The following TLE1 variants were observed in gnomAD, a reference collection of about 807,000 sequenced individuals.
TLE1 encodes TLE family member 1, transcriptional corepressor, also known as transducin-like enhancer protein 1.
TLE1 carries 21 observed loss-of-function variants against 89.8 expected under a neutral mutation model. The observed-to-expected ratio is 0.23, with a 90% CI of 0.17 to 0.34. The LOEUF (loss-of-function observed/expected upper bound fraction) is 0.34, where lower values mean the gene tolerates loss of function less well. Among genes scored for constraint, TLE1 ranks in the 10% least tolerant of loss-of-function variants. The pLI is 1.00. For missense variants in TLE1, 795 were observed against 1,031.2 expected (o/e 0.77, Z 3.14); for synonymous variants, 447 against 407.6 (o/e 1.10, Z -1.16).
At chr9:81,675,672 T>A (rs1288994853) in intron 4 of TLE1, among the ~76,000 whole-genome samples, 3 of 151,460 alleles carry the variant, frequency 2.0e-5, no homozygotes, top group African/African-American at 7.3e-5. Flanking sequence ...ATTTCATTTT[T>A]AATTTTAGCA....
intron 14 of TLE1, among the ~76,000 whole-genome samples, chr9:81,607,988 T>A (rs765770161): frequency 6.6e-6 from 1 of 152,230 alleles, no homozygotes; most frequent in African/African-American, 2.4e-5. Flanking sequence ...GCAATGGGAA[T>A]CGGCTTTCCT....
intron 6 of TLE1, among the ~76,000 whole-genome samples, chr9:81,643,364 G>A (rs1828409340): frequency 6.6e-6 from 1 of 151,966 alleles, no homozygotes; most frequent in Admixed American, 6.6e-5. Flanking sequence ...AGCCTCCTGA[G>A]TAGCTGGGGT....
rs924176258 is a variant in TLE1, at chr9:81,652,341, T to C, written c.298-53A>G. Reference sequence around the variant, plus strand: ...TTAGCAACAGCCAAAAACTTCACTGTATATTCTAACAACAAAAAGTCAAAT... The same window carrying C: ...TTAGCAACAGCCAAAAACTTCACTGCATATTCTAACAACAAAAAGTCAAAT... On this transcript the variant is annotated intron_variant, in intron 5 of 19. Coordinates refer to ENST00000376499, the MANE Select transcript of TLE1 (RefSeq NM_005077.5). 1.3e-5 allele frequency: 20 copies of C among 1,515,004 alleles called. No homozygotes were observed. The East Asian group carries it at 3.2e-4, about 24-fold the overall frequency. The allele number at this position is 1,515,004 out of a possible 1,614,324, so 93.8% of individuals were successfully genotyped here. A position where few individuals can be genotyped will look rare whatever the true frequency, so the allele number is the denominator to read the frequency against.
chr9:81,622,820 A>AC (rs1259686613), intron 8 of TLE1, among the ~76,000 whole-genome samples: 1 of 152,156 alleles, frequency 6.6e-6, no homozygotes, highest in Non-Finnish European at 1.5e-5. Flanking sequence ...ACTGACTCAA[A>AC]ACAAGGCAGC....
At position 81,600,020 on chromosome 9, in the gene TLE1, A is replaced by G. The variant is rs367785441; in HGVS notation, c.1332-6746T>C. 3.0e-4 allele frequency: 202 copies of G among 672,622 alleles called. No individual in the cohort carries two copies. In the African/African-American group the frequency reaches 3.2e-3, roughly 11 times the overall value. The allele number at this position is 672,622 out of a possible 1,614,324, so 41.7% of individuals were successfully genotyped here. ...TGATAAATGAGGAAGTATTCCAGCC[A>G]AAGTCAACATTTAAGATTCTGAGTT... On this transcript the variant is annotated intron_variant, in intron 14 of 19. Coordinates refer to ENST00000376499, the MANE Select transcript of TLE1 (RefSeq NM_005077.5).
chr9:81,620,583 G>T (rs764599170), intron 8 of TLE1, 26 bp from the exon 9 acceptor site: 2 of 1,599,210 alleles, frequency 1.3e-6, no homozygotes, highest in Non-Finnish European at 1.7e-6. Flanking sequence ...ATTAATCAAA[G>T]ATTTCTTCCC....
rs139111374 is a variant in TLE1, at chr9:81,611,928, G to C, written c.1095C>G (p.Pro365=). The C allele has an allele frequency of 1.3e-6, 2 of 1,492,942 alleles. No homozygotes were observed. The highest frequency in any genetic ancestry group is 2.9e-5 in the African/African-American group (2 of 68,304). 92.5% of individuals were successfully genotyped at this position (1,492,942 alleles called of 1,614,324 possible). The change falls in exon 13 of 20, where the codon CCC becomes CCG. Residue 365 remains proline, a synonymous_variant. Transcript: ENST00000376499. ...TCCCAAAAGGAGCAGGATATGGGCC[G>C]GGCACTGCCAGGGGTGTCCTCAAGC... is the stretch of plus-strand genomic sequence containing the variant. ...AAGLRTPLAV[P]GPYPAPFGMV...
chr9:81,655,192 C>G (rs778338864), intron 4 of TLE1, among the ~76,000 whole-genome samples: 1 of 151,866 alleles, frequency 6.6e-6, no homozygotes, highest in African/African-American at 2.4e-5. Flanking sequence ...GGTGAAACCC[C>G]GTCTCTACTC....
chr9:81,636,668 T>G (rs745651506), intron 6 of TLE1, among the ~76,000 whole-genome samples: 3 of 152,136 alleles, frequency 2.0e-5, no homozygotes, highest in Non-Finnish European at 2.9e-5. Context: ...GGGATTCTTA[T>G]GTCAGACCAA....
chr9:81,645,469 G>A (rs1240320574), intron 6 of TLE1, among the ~76,000 whole-genome samples: 2 of 151,420 alleles, frequency 1.3e-5, no homozygotes, highest in Non-Finnish European at 2.9e-5. Flanking sequence ...TGCTGGGTCT[G>A]GTGGCTCACA....
chr9:81,601,904 TG>T (rs1377385872), intron 14 of TLE1, among the ~76,000 whole-genome samples: 1 of 152,208 alleles, frequency 6.6e-6, no homozygotes, highest in Non-Finnish European at 1.5e-5. Context: ...ATTTGTTTCC[TG>T]GGTATCTATG....
chr9:81,687,490 G>A (rs1343538260), intron 1 of TLE1, 56 bp from the exon 2 acceptor site: 11 of 1,383,202 alleles, frequency 8.0e-6, no homozygotes, highest in African/African-American at 2.8e-5. Context: ...GATGAATAAA[G>A]CAGTAAGTCA....
intron 8 of TLE1, among the ~76,000 whole-genome samples, chr9:81,622,438 CTTG>C (rs1296190698): frequency 6.6e-6 from 1 of 150,540 alleles, no homozygotes; most frequent in African/African-American, 2.5e-5. Context: ...TTCTTAATGT[CTTG>C]TTTTTTTTTG....
At chr9:81,640,020 G>A (rs1466760229) in intron 6 of TLE1, among the ~76,000 whole-genome samples, 1 of 152,052 alleles carries the variant, frequency 6.6e-6, no homozygotes, top group Non-Finnish European at 1.5e-5. Flanking sequence ...AGGGACATAT[G>A]GCCATGTGTG....
rs1823845628 is a variant in TLE1, at chr9:81,612,491, G to A, written c.1064-532C>T. On this transcript the variant is annotated intron_variant, in intron 12 of 19. Coordinates refer to ENST00000376499, the MANE Select transcript of TLE1 (RefSeq NM_005077.5). The stretch of plus-strand genomic sequence containing the variant: ...GTTGCTTTTTTCCTTTCCCACTGGG[G>A]AATATCAGGTTGCAAATTATGAGTT... 1.5e-5 allele frequency: 6 copies of A among 397,556 alleles called. No individual in the cohort carries two copies. In the South Asian group the frequency reaches 6.2e-4, roughly 41 times the overall value. The allele number at this position is 397,556 out of a possible 1,614,324, so 24.6% of individuals were successfully genotyped here. A position where few individuals can be genotyped will look rare whatever the true frequency, so the allele number is the denominator to read the frequency against.
chr9:81,671,340 CCT>C, intron 4 of TLE1, among the ~76,000 whole-genome samples: 2 of 152,056 alleles, frequency 1.3e-5, no homozygotes, highest in East Asian at 3.9e-4. Context: ...ATGGCGAAAC[CCT>C]GTCTCTATTT....
intron 4 of TLE1, among the ~76,000 whole-genome samples, chr9:81,680,047 C>T (rs1833409143): frequency 6.6e-6 from 1 of 152,176 alleles, no homozygotes; most frequent in African/African-American, 2.4e-5. Context: ...CATCTTAAGT[C>T]CTCTGGCGAA....
At chr9:81,617,133 C>CAAAAAAA in intron 9 of TLE1, among the ~76,000 whole-genome samples, 1 of 124,188 alleles carries the variant, frequency 8.1e-6, no homozygotes, top group Non-Finnish European at 1.8e-5. Flanking sequence ...CTAGTTAATG[C>CAAAAAAA]AAAAAAAAAA....
chr9:81,590,776 C>A (rs749798894), intron 16 of TLE1, 29 bp downstream of exon 16: 143 of 1,603,520 alleles, frequency 8.9e-5, no homozygotes, highest in Non-Finnish European at 1.1e-4. Context: ...AAGAAGCGAA[C>A]CCCTCCTTAG....
Sources: allele counts gnomAD v4.1 joint callset (sites outside exome capture counted in the v4.1 genomes callset), GRCh38; gene constraint gnomAD v4.1.1; transcripts MANE v1.5; gene names NCBI Gene and HGNC (gene_info 2026-07-23, HGNC 2026-07-21).